GREM1: variants seen among roughly 807,000 people sequenced by gnomAD.
The protein encoded by GREM1 is gremlin-1.
GREM1 carries 6 observed loss-of-function variants against 13.1 expected under a neutral mutation model. That is an observed-to-expected ratio of 0.46 (90% CI 0.25 to 0.91). The LOEUF is 0.91. GREM1 is among the 40% of genes least tolerant of loss of function. GREM1 has a pLI of 0.18. For missense variants in GREM1, 185 were observed against 233.9 expected (o/e 0.79, Z 1.36); for synonymous variants, 98 against 93.7 (o/e 1.05, Z -0.27).
In GREM1 at chr15:32,724,720, T is replaced by C. The variant is rs537900361; in HGVS notation, c.-1-5970T>C. The stretch of plus-strand genomic sequence containing the variant: ...TTGTTACATAGGTATACACGTGCCA[T>C]GGTGGTTTGCTGCACCCATCAACCC... On this transcript the variant is annotated intron_variant, in intron 1 of 1. Transcript: ENST00000651154. Among the ~76,000 whole-genome samples, 256 of 152,164 alleles carry C rather than the reference T, an allele frequency of 1.7e-3. 1 individual carries two copies. Among genetic ancestry groups the C allele is most frequent in the African/African-American group, 5.9e-3 (247 of 41,522 alleles).
In GREM1 at chr15:32,731,444, AAC is replaced by A. The variant is rs1318852421; in HGVS notation, c.*203_*204del. The A allele has an allele frequency of 4.2e-5, 26 of 611,770 alleles. No individual in the cohort carries two copies. The highest frequency in any genetic ancestry group is 2.4e-4 in the African/African-American group (13 of 53,882). The allele number at this position is 611,770 out of a possible 1,614,324, so 37.9% of individuals were successfully genotyped here. ...GTGGGTGTTTTTAGACACCAGAGAAAACACAGTCTCTGCTAGAGAGCACTCCC... is the reference window on the plus strand; with the variant it reads ...GTGGGTGTTTTTAGACACCAGAGAAAACAGTCTCTGCTAGAGAGCACTCCC... On this transcript the variant is annotated 3_prime_UTR_variant, in exon 2 of 2. Coordinates refer to ENST00000651154, the MANE Select transcript of GREM1 (RefSeq NM_013372.7).
Position 32,732,416 on chromosome 15 carries a change from G to GA in GREM1, c.*1171_*1172insA. On this transcript the variant is annotated 3_prime_UTR_variant, in exon 2 of 2. Coordinates refer to ENST00000651154, the MANE Select transcript of GREM1 (RefSeq NM_013372.7). ...AGTAGTCTAAGATGAGAGAGTTTAG[G>GA]GACTACTCTGTTTTAGCAAGAGATA... 4.1e-6 allele frequency: 1 copy of GA among 244,846 alleles called. No individual in the cohort carries two copies. The highest frequency in any genetic ancestry group is 6.2e-5 in the East Asian group (1 of 16,144). The allele number at this position is 244,846 out of a possible 1,614,324, so 15.2% of individuals were successfully genotyped here.
intron 1 of GREM1, 163 bp downstream of exon 1, chr15:32,718,324 C>T: frequency 1.8e-6 from 1 of 551,904 alleles, no homozygotes; most frequent in East Asian, 4.4e-5. Context: ...CGGGGTCCTT[C>T]CTGCTGAGGC....
chr15:32,720,078 C>CGT lies in GREM1; in HGVS notation c.-2+1932_-2+1933dup, dbSNP rs370172363. Among the ~76,000 whole-genome samples, 594 of 150,972 alleles carry CGT rather than the reference C, an allele frequency of 3.9e-3. 3 individuals carry two copies. The highest frequency in any genetic ancestry group is 0.013 in the African/African-American group (534 of 41,196). ...TAGCAGGGTAGTGGCAGTATGTGTG[C>CGT]GTGTGTGTGTGTGTGTCTGTGTGTG... On this transcript the variant is annotated intron_variant, in intron 1 of 1. Transcript: ENST00000651154.
chr15:32,736,517 G>A lies in GREM1; in HGVS notation c.*5272G>A, dbSNP rs1167594800. On this transcript the variant is annotated 3_prime_UTR_variant, in exon 2 of 2. Coordinates refer to ENST00000651154, the MANE Select transcript of GREM1 (RefSeq NM_013372.7). ...AGGCTCTGCACAAGCCATAAGTAAA[G>A]GGAATGCAGAGTTGTCAATTGCATG... 1 of 152,102 alleles carries A rather than the reference G, an allele frequency of 6.6e-6. No homozygotes were observed. Among genetic ancestry groups the A allele is most frequent in the Non-Finnish European group, 1.5e-5 (1 of 68,022 alleles). The allele number at this position is 152,102 out of a possible 1,614,324, so 9.4% of individuals were successfully genotyped here. A position where few individuals can be genotyped will look rare whatever the true frequency, so the allele number is the denominator to read the frequency against.
chr15:32,718,381 G>GA (rs1309218789), intron 1 of GREM1: 5 of 495,888 alleles, frequency 1.0e-5, no homozygotes, highest in South Asian at 4.6e-5. Flanking sequence ...GGAAACGTAG[G>GA]AAAAAAAGTT....
chr15:32,728,074 A>C (rs147337012), intron 1 of GREM1, among the ~76,000 whole-genome samples: 242 of 152,358 alleles, frequency 1.6e-3, no homozygotes, highest in African/African-American at 5.4e-3. Flanking sequence ...AACAATTTAT[A>C]GATTCAATGC....
rs1398877711 is a variant in GREM1, at chr15:32,737,194, T to C, written c.*5949T>C. 6.6e-6 allele frequency: 1 copy of C among 152,162 alleles called. No homozygotes were observed. The highest frequency in any genetic ancestry group is 1.5e-5 in the Non-Finnish European group (1 of 68,018). 9.4% of individuals were successfully genotyped at this position (152,162 alleles called of 1,614,324 possible). A position where few individuals can be genotyped will look rare whatever the true frequency, so the allele number is the denominator to read the frequency against. Reference sequence around the variant, plus strand: ...CTTAACTGATTAATGTTAGCAAATATTTAAAGAAGAATTGGTACAAATTCT... The same window carrying C: ...CTTAACTGATTAATGTTAGCAAATACTTAAAGAAGAATTGGTACAAATTCT... On this transcript the variant is annotated 3_prime_UTR_variant, in exon 2 of 2. Transcript: ENST00000651154.
Position 32,738,083 on chromosome 15 carries a change from C to CCAA in GREM1, c.*6838_*6839insCAA, listed in dbSNP as rs2055720047. On this transcript the variant is annotated 3_prime_UTR_variant, in exon 2 of 2. Coordinates refer to ENST00000651154, the MANE Select transcript of GREM1 (RefSeq NM_013372.7). Reference sequence around the variant, plus strand: ...GGAGGTTCTACCTAGGGTAATTAGGCAAAAAAAAAAAAAAAAAAAAAAAAA... The same window carrying CCAA: ...GGAGGTTCTACCTAGGGTAATTAGGCCAAAAAAAAAAAAAAAAAAAAAAAAAAA... The CCAA allele has an allele frequency of 6.9e-4, 13 of 18,910 alleles. No homozygotes were observed. The highest frequency in any genetic ancestry group is 1.0e-3 in the Non-Finnish European group (12 of 11,650). The allele number at this position is 18,910 out of a possible 1,614,324, so 1.2% of individuals were successfully genotyped here. A position where few individuals can be genotyped will look rare whatever the true frequency, so the allele number is the denominator to read the frequency against.
In GREM1 at chr15:32,724,574, C is replaced by T. The variant is rs1227472617; in HGVS notation, c.-1-6116C>T. Among the ~76,000 whole-genome samples the T allele has an allele frequency of 2.6e-5, 4 of 152,172 alleles. No individual in the cohort carries two copies. The East Asian group carries it at 7.7e-4, about 29-fold the overall frequency. ...TGAGAAATTGCCACACTGTCTTATC[C>T]TAGTCTCTGGAAAAATTCAGTCCTG... On this transcript the variant is annotated intron_variant, in intron 1 of 1. Transcript: ENST00000651154.
chr15:32,729,767 C>A (rs2055581248), intron 1 of GREM1, among the ~76,000 whole-genome samples: 1 of 152,186 alleles, frequency 6.6e-6, no homozygotes, highest in South Asian at 2.1e-4. Flanking sequence ...GCCCATTTTT[C>A]TACCTTTTAA....
chr15:32,718,496 T>C, intron 1 of GREM1: 1 of 461,648 alleles, frequency 2.2e-6, no homozygotes, highest in South Asian at 1.5e-5. Flanking sequence ...ACGCGCCCGC[T>C]TAGCGAGGGC....
chr15:32,718,227 G>A, intron 1 of GREM1, 66 bp downstream of exon 1: 1 of 1,235,118 alleles, frequency 8.1e-7, no homozygotes, highest in Non-Finnish European at 1.1e-6. Context: ...AACCAACCCA[G>A]GACCCGCTCA....
At chr15:32,723,780 TATTA>T (rs1326241916) in intron 1 of GREM1, among the ~76,000 whole-genome samples, 4 of 152,344 alleles carry the variant, frequency 2.6e-5, no homozygotes, top group Admixed American at 2.6e-4. Flanking sequence ...TCTGCGATAG[TATTA>T]ATTTCAATGG....
rs145826338 is a variant in GREM1 at position 32,728,707 on chromosome 15, C to T, written c.-1-1983C>T. 1.1e-3 allele frequency among the ~76,000 whole-genome samples: 173 copies of T among 152,244 alleles called. 2 individuals carry two copies. Among genetic ancestry groups the T allele is most frequent in the Middle Eastern group, 6.8e-3 (2 of 294 alleles). The stretch of plus-strand genomic sequence containing the variant: ...GGTTATTATGTGTAATACTGGTATT[C>T]CAAAGAGAGAAGGAAAATGTTTGCT... On this transcript the variant is annotated intron_variant, in intron 1 of 1. Transcript: ENST00000651154.
At position 32,734,079 on chromosome 15, in the gene GREM1, A is replaced by G. The variant is rs1032166032; in HGVS notation, c.*2834A>G. ...TATATGACTTTCTCTGAGTTGGGCA[A>G]AGAAGAAGCTGACACACCGTATGTT... On this transcript the variant is annotated 3_prime_UTR_variant, in exon 2 of 2. Transcript: ENST00000651154. 2.5e-5 allele frequency: 6 copies of G among 243,338 alleles called. No homozygotes were observed. The highest frequency in any genetic ancestry group is 8.9e-5 in the African/African-American group (4 of 45,132). The allele number at this position is 243,338 out of a possible 1,614,324, so 15.1% of individuals were successfully genotyped here. A position where few individuals can be genotyped will look rare whatever the true frequency, so the allele number is the denominator to read the frequency against.
rs528403168 is a variant in GREM1 at position 32,727,762 on chromosome 15, C to G, written c.-1-2928C>G. Among the ~76,000 whole-genome samples the G allele has an allele frequency of 2.0e-4, 31 of 152,314 alleles. 2 individuals carry two copies. Among genetic ancestry groups the G allele is most frequent in the Middle Eastern group, 3.4e-3 (1 of 294 alleles). ...AAACCCCATCATCTCAGCCCAAAAT[C>G]TCCTTAAGCTGATAAGCAACTTCAG... On this transcript the variant is annotated intron_variant, in intron 1 of 1. Transcript: ENST00000651154.
At position 32,738,693 on chromosome 15, in the gene GREM1, A is replaced by C. The variant is rs2055735171; in HGVS notation, c.*7448A>C. 2 of 152,224 alleles carry C rather than the reference A, an allele frequency of 1.3e-5. No individual in the cohort carries two copies. Among genetic ancestry groups the C allele is most frequent in the Admixed American group, 1.3e-4 (2 of 15,290 alleles). 9.4% of individuals were successfully genotyped at this position (152,224 alleles called of 1,614,324 possible). The stretch of plus-strand genomic sequence containing the variant: ...TTTCATAACATACACCAGGCTGGGC[A>C]TGGTGGTTCATGCCCATAATCCCAG... On this transcript the variant is annotated 3_prime_UTR_variant, in exon 2 of 2. Coordinates refer to ENST00000651154, the MANE Select transcript of GREM1 (RefSeq NM_013372.7).
In GREM1 at chr15:32,736,403, A is replaced by G. The variant is rs1298023893; in HGVS notation, c.*5158A>G. On this transcript the variant is annotated 3_prime_UTR_variant, in exon 2 of 2. Transcript: ENST00000651154. ...ATTGGCAATCTAGACTGCCAAATGC[A>G]TAAATAGGACTCCATCCATGCCCAG... 2 of 152,210 alleles carry G rather than the reference A, an allele frequency of 1.3e-5. No individual in the cohort carries two copies. Among genetic ancestry groups the G allele is most frequent in the Non-Finnish European group, 2.9e-5 (2 of 68,036 alleles). The allele number at this position is 152,210 out of a possible 1,614,324, so 9.4% of individuals were successfully genotyped here.
Sources: gnomAD v4.1 joint callset for allele counts (sites outside exome capture counted in the v4.1 genomes callset) on GRCh38, gnomAD v4.1.1 for gene constraint, MANE v1.5 for transcripts, NCBI Gene and HGNC (gene_info 2026-07-23, HGNC 2026-07-21) for gene names.